Variants in SLC16A7 observed in about 807,000 individuals in gnomAD.
The protein encoded by SLC16A7 is monocarboxylate transporter 2.
A neutral mutation model predicts 34.9 loss-of-function variants in SLC16A7; 33 were observed. The ratio of observed to expected loss-of-function variants is 0.94; its 90% CI spans 0.72 to 1.26. The LOEUF (loss-of-function observed/expected upper bound fraction) is 1.26. Ranked by LOEUF, SLC16A7 falls within the 50% of genes most tolerant of loss-of-function variation. The pLI is 0.00. For synonymous variants in SLC16A7, 201 were observed against 206.6 expected (o/e 0.97, Z 0.23); for missense variants, 573 against 578.1 (o/e 0.99, Z 0.09).
Position 59,596,278 on chromosome 12 carries a change from G to A in SLC16A7, c.-130+42G>A, listed in dbSNP as rs1289936208. On this transcript the variant is annotated intron_variant, in intron 1 of 5. Coordinates refer to ENST00000547379, the MANE Select transcript of SLC16A7 (RefSeq NM_001270623.2). The surrounding 1 kb of genome is among the most constrained non-coding windows in gnomAD (Gnocchi z 5.0). Reference sequence around the variant, plus strand: ...AGGGAGGGGAGAGGAGGAGGAGGAGGAGGAGGTGCCGGCTAAGAGGAGGGC... The same window carrying A: ...AGGGAGGGGAGAGGAGGAGGAGGAGAAGGAGGTGCCGGCTAAGAGGAGGGC... The A allele has an allele frequency of 4.6e-5, 7 of 153,464 alleles. No individual in the cohort carries two copies. The highest frequency in any genetic ancestry group is 1.0e-4 in the Non-Finnish European group (7 of 68,852). The allele number at this position is 153,464 out of a possible 1,614,324, so 9.5% of individuals were successfully genotyped here. A position where few individuals can be genotyped will look rare whatever the true frequency, so the allele number is the denominator to read the frequency against.
chr12:59,616,291 T>C (rs1879446029), intron 1 of SLC16A7, among the ~76,000 whole-genome samples: 1 of 152,188 alleles, frequency 6.6e-6, no homozygotes, highest in African/African-American at 2.4e-5. Context: ...AAACATTTTC[T>C]TTTACTTCTT....
chr12:59,656,589 T>C (rs1378679446), intron 2 of SLC16A7, among the ~76,000 whole-genome samples: 1 of 152,000 alleles, frequency 6.6e-6, no homozygotes, highest in East Asian at 1.9e-4. Context: ...CCTTTGAAAT[T>C]GTAAGATAAC....
At chr12:59,725,956 C>T (rs1287920453) in intron 3 of SLC16A7, among the ~76,000 whole-genome samples, 2 of 152,024 alleles carry the variant, frequency 1.3e-5, no homozygotes, top group African/African-American at 2.4e-5. Context: ...CTAAAATTGC[C>T]ACATTGTGTT....
rs182713724 is a variant in SLC16A7, at chr12:59,707,482, A to G, written c.217+2464A>G. On this transcript the variant is annotated intron_variant, in intron 3 of 5. Transcript: ENST00000547379. ...AGTAAATATACTATATTTACTACAA[A>G]TAAATGTTTTTATTTTATTCATACT... 6.6e-5 allele frequency among the ~76,000 whole-genome samples: 10 copies of G among 152,142 alleles called. No individual in the cohort carries two copies. The East Asian group carries it at 1.5e-3, about 23-fold the overall frequency.
intron 3 of SLC16A7, among the ~76,000 whole-genome samples, chr12:59,719,478 G>A (rs1875310595): frequency 6.6e-6 from 1 of 151,970 alleles, no homozygotes; most frequent in African/African-American, 2.4e-5. Context: ...TATACAAAAT[G>A]TGTGATCCCA....
At chr12:59,731,430 G>A (rs1185382375) in intron 3 of SLC16A7, among the ~76,000 whole-genome samples, 1 of 152,192 alleles carries the variant, frequency 6.6e-6, no homozygotes, top group Non-Finnish European at 1.5e-5. Context: ...CACAGGACTA[G>A]TTCCTAGGAA....
At chr12:59,674,031 T>A (rs1165078912) in intron 2 of SLC16A7, among the ~76,000 whole-genome samples, 1 of 152,210 alleles carries the variant, frequency 6.6e-6, no homozygotes, top group Non-Finnish European at 1.5e-5. Flanking sequence ...GAGCAGCTTT[T>A]CCCAACTAGA....
intron 1 of SLC16A7, among the ~76,000 whole-genome samples, chr12:59,650,140 T>C (rs1868317586): frequency 6.6e-6 from 1 of 152,124 alleles, no homozygotes. Context: ...CATTGTTAAA[T>C]TTTAAAAGGG....
chr12:59,763,479 CAAA>C (rs1232944753), intron 3 of SLC16A7, among the ~76,000 whole-genome samples: 1 of 151,942 alleles, frequency 6.6e-6, no homozygotes, highest in Admixed American at 6.6e-5. Context: ...ATCTGATTAA[CAAA>C]AAGATTATTT....
At chr12:59,623,547 A>T (rs1450918860) in intron 1 of SLC16A7, among the ~76,000 whole-genome samples, 1 of 151,648 alleles carries the variant, frequency 6.6e-6, no homozygotes, top group Admixed American at 6.6e-5. Flanking sequence ...GATACCATAT[A>T]TGTTGTCTTT....
At chr12:59,622,891 G>T (rs1461294443) in intron 1 of SLC16A7, among the ~76,000 whole-genome samples, 1 of 151,590 alleles carries the variant, frequency 6.6e-6, no homozygotes, top group African/African-American at 2.4e-5. Context: ...GGATAATTCA[G>T]CTCCAGCTTT....
chr12:59,752,253 G>A (rs1354206849), intron 3 of SLC16A7, among the ~76,000 whole-genome samples: 1 of 152,196 alleles, frequency 6.6e-6, no homozygotes, highest in African/African-American at 2.4e-5. Flanking sequence ...AAGCTGGACG[G>A]AGAATGACTT....
chr12:59,639,361 A>G (rs535711159), intron 1 of SLC16A7, among the ~76,000 whole-genome samples: 59 of 152,208 alleles, frequency 3.9e-4, no homozygotes, highest in Non-Finnish European at 7.2e-4. Flanking sequence ...GATTAAAAGG[A>G]AAAAAGAAAA....
rs1350948810 is a variant in SLC16A7 at position 59,783,421 on chromosome 12, C to T, written c.*3742C>T. ...CCCAAAGTTAAAAGGTAGTATGAAC[C>T]AAAATTAAAACTCAGGTTTACGTAA... On this transcript the variant is annotated 3_prime_UTR_variant, in exon 6 of 6. Coordinates refer to ENST00000547379, the MANE Select transcript of SLC16A7 (RefSeq NM_001270623.2). 6.6e-6 allele frequency: 1 copy of T among 151,974 alleles called. No homozygotes were observed. The highest frequency in any genetic ancestry group is 2.1e-4 in the South Asian group (1 of 4,812). The allele number at this position is 151,974 out of a possible 1,614,324, so 9.4% of individuals were successfully genotyped here. A position where few individuals can be genotyped will look rare whatever the true frequency, so the allele number is the denominator to read the frequency against.
At chr12:59,682,811 C>G (rs1870845184) in intron 2 of SLC16A7, among the ~76,000 whole-genome samples, 1 of 152,142 alleles carries the variant, frequency 6.6e-6, no homozygotes, top group South Asian at 2.1e-4. Context: ...TAGCTCACGC[C>G]TGTAATCCCA....
At position 59,775,173 on chromosome 12, in the gene SLC16A7, A is replaced by G; in HGVS notation, c.878A>G (p.Asp293Gly). The G allele has an allele frequency of 1.2e-6, 2 of 1,614,042 alleles. No homozygotes were observed. The highest frequency in any genetic ancestry group is 1.7e-6 in the Non-Finnish European group (2 of 1,180,000). ...CTGCTATCTGTTATGGCTTTCGTTG[A>G]TATGTTTGCTAGGCCTTCTGTAGGA... ...AFLLSVMAFV[D>G]MFARPSVGLI... Residue 293 changes from aspartate (D) to glycine (G), a missense_variant, in exon 5 of 6, where the codon GAT becomes GGT. By Grantham distance (94) the Asp-to-Gly change is moderately conservative (BLOSUM62 -1). Coordinates refer to ENST00000547379, the MANE Select transcript of SLC16A7 (RefSeq NM_001270623.2).
intron 3 of SLC16A7, among the ~76,000 whole-genome samples, chr12:59,718,008 A>G (rs1731231753): frequency 6.6e-6 from 1 of 152,168 alleles, no homozygotes; most frequent in South Asian, 2.1e-4. Flanking sequence ...TACATCTCAC[A>G]AAGTATCTAA....
intron 1 of SLC16A7, among the ~76,000 whole-genome samples, chr12:59,646,291 C>T (rs1031683584): frequency 1.3e-5 from 2 of 152,168 alleles, no homozygotes; most frequent in Non-Finnish European, 2.9e-5. Context: ...CCAGGGCCCC[C>T]CTGCTGTGTG....
chr12:59,770,012 T>C (rs1188625861), intron 3 of SLC16A7, among the ~76,000 whole-genome samples: 2 of 152,122 alleles, frequency 1.3e-5, no homozygotes, highest in Non-Finnish European at 2.9e-5. Flanking sequence ...ATAGTCTCAA[T>C]TGTTAAGTTA....
Sources: gnomAD v4.1 joint callset for allele counts (sites outside exome capture counted in the v4.1 genomes callset) on GRCh38, gnomAD v4.1.1 for gene constraint, Gnocchi (gnomAD v3.1) non-coding constraint, MANE v1.5 for transcripts, NCBI Gene and HGNC (gene_info 2026-07-23, HGNC 2026-07-21) for gene names.